MLLT3: variants seen among roughly 807,000 people sequenced by gnomAD.
MLLT3 encodes the protein protein AF-9.
MLLT3 carries 4 observed loss-of-function variants against 53.2 expected under a neutral mutation model. That is an observed-to-expected ratio of 0.08 (90% CI 0.04 to 0.17). The LOEUF is 0.17. Ranked by LOEUF, MLLT3 falls within the 10% of genes least tolerant of loss-of-function variation. MLLT3 has a pLI of 1.00. For missense variants in MLLT3, 569 were observed against 684.0 expected, an observed-to-expected ratio of 0.83 and a Z score of 1.87; for synonymous variants, 283 against 230.6, an observed-to-expected ratio of 1.23 and a Z score of -2.06.
At chr9:20,581,637 C>G (rs1819794922) in intron 2 of MLLT3, among the ~76,000 whole-genome samples, 1 of 152,130 alleles carries the variant, frequency 6.6e-6, no homozygotes, top group South Asian at 2.1e-4. Flanking sequence ...GGCAGCCAAT[C>G]AGAGACTGGA....
chr9:20,488,843 T>A (rs748995235), intron 2 of MLLT3, among the ~76,000 whole-genome samples: 1 of 152,132 alleles, frequency 6.6e-6, no homozygotes, highest in Non-Finnish European at 1.5e-5. Flanking sequence ...ACACTGCTGA[T>A]CCAGATTTAG....
chr9:20,562,276 G>C (rs1428806325), intron 2 of MLLT3, among the ~76,000 whole-genome samples: 1 of 151,880 alleles, frequency 6.6e-6, no homozygotes. Flanking sequence ...AATATACCAT[G>C]ACAGTAATTA....
intron 4 of MLLT3, among the ~76,000 whole-genome samples, chr9:20,415,670 T>C (rs937667447): frequency 1.3e-5 from 2 of 152,126 alleles, no homozygotes; most frequent in Admixed American, 1.3e-4. Context: ...AAACCAATCC[T>C]ATATTCCTTA....
intron 5 of MLLT3, among the ~76,000 whole-genome samples, chr9:20,410,071 T>C (rs1330652572): frequency 1.3e-5 from 2 of 152,204 alleles, no homozygotes; most frequent in Non-Finnish European, 2.9e-5. Context: ...CTTGTATTTT[T>C]ACATTGATCA....
chr9:20,399,744 A>G (rs1160236740), intron 5 of MLLT3, among the ~76,000 whole-genome samples: 7 of 152,260 alleles, frequency 4.6e-5, no homozygotes, highest in African/African-American at 1.7e-4. Flanking sequence ...AGACTGGAGA[A>G]GGCTTAAAAG....
intron 5 of MLLT3, among the ~76,000 whole-genome samples, chr9:20,409,348 C>G (rs1430704878): frequency 6.6e-6 from 1 of 152,086 alleles, no homozygotes; most frequent in Non-Finnish European, 1.5e-5. Flanking sequence ...ATACACTTCT[C>G]TTCAGGAGCA....
intron 2 of MLLT3, among the ~76,000 whole-genome samples, chr9:20,537,564 A>C (rs1261091879): frequency 1.3e-5 from 2 of 152,186 alleles, no homozygotes; most frequent in African/African-American, 4.8e-5. Flanking sequence ...GGGGTGAGGG[A>C]GTCCTGCCAA....
intron 2 of MLLT3, among the ~76,000 whole-genome samples, chr9:20,615,360 G>GAAAAAAAAAAAAAAAAAAAA (rs10601830): frequency 2.1e-5 from 1 of 48,774 alleles, no homozygotes; most frequent in African/African-American, 7.0e-5. Context: ...CAGACCATGT[G>GAAAAAAAAAAAAAAAAAAAA]AAAAAAAAAA....
Position 20,414,388 on chromosome 9 carries a change from C to T in MLLT3, c.458G>A (p.Ser153Asn), listed in dbSNP as rs1472118771. The stretch of plus-strand genomic sequence containing the variant: ...GCTGCTGCTGCTGCTACTGCTGCTG[C>T]TGCTGCTGCTGCTGGTATGAATACT... The part of the protein sequence containing the change: ...NRSIHTSSSS[S>N]SSSSSSSSSS... The change falls in exon 5 of 11, where the codon AGC becomes AAC. Residue 153 changes from serine (S) to asparagine (N), a missense_variant. By Grantham distance (46) the Ser-to-Asn change is conservative. This residue lies in a region of MLLT3 where 39 missense variants were observed against 68.8 expected (regional missense o/e 0.57). Transcript: ENST00000380338. The T allele has an allele frequency of 6.2e-7, 1 of 1,608,632 alleles. No individual in the cohort carries two copies.
intron 8 of MLLT3, among the ~76,000 whole-genome samples, chr9:20,360,393 T>C (rs1587152324): frequency 1.3e-5 from 2 of 152,210 alleles, no homozygotes; most frequent in African/African-American, 4.8e-5. Context: ...CCAAGCTCTA[T>C]ACTAGGCCCA....
At chr9:20,400,727 A>T (rs1383351442) in intron 5 of MLLT3, among the ~76,000 whole-genome samples, 1 of 151,626 alleles carries the variant, frequency 6.6e-6, no homozygotes, top group East Asian at 1.9e-4. Flanking sequence ...ATAATGAAGG[A>T]TTACAAAAAG....
intron 2 of MLLT3, among the ~76,000 whole-genome samples, chr9:20,503,255 G>A (rs928401069): frequency 3.9e-5 from 6 of 152,228 alleles, no homozygotes; most frequent in Non-Finnish European, 8.8e-5. Context: ...CAAGCAAAAA[G>A]AACAAAGCTA....
rs1820999814 is a variant in MLLT3, at chr9:20,621,290, C to T, written c.13-456G>A. On this transcript the variant is annotated intron_variant, in intron 1 of 10. Transcript: ENST00000380338. This position sits in a 1 kb window ranked among gnomAD's most constrained non-coding sequence, Gnocchi z 7.0. ...CGAAAGTACCGCGGCGACAGGCACA[C>T]GCCGAGGAAGTCTTTGTGTACGTGT... 6.6e-6 allele frequency among the ~76,000 whole-genome samples: 1 copy of T among 152,178 alleles called. No homozygotes were observed. Among genetic ancestry groups the T allele is most frequent in the Non-Finnish European group, 1.5e-5 (1 of 68,018 alleles).
chr9:20,621,833 C>A lies in MLLT3; in HGVS notation c.12+412G>T. On this transcript the variant is annotated intron_variant, in intron 1 of 10. Coordinates refer to ENST00000380338, the MANE Select transcript of MLLT3 (RefSeq NM_004529.4). This position sits in a 1 kb window ranked among gnomAD's most constrained non-coding sequence, Gnocchi z 7.0. Reference sequence around the variant, plus strand: ...CCGCCGAGGCTGCTCGCCGCGTCCCCGGACTGTGCCCGCAGCTCCCGGCGG... The same window carrying A: ...CCGCCGAGGCTGCTCGCCGCGTCCCAGGACTGTGCCCGCAGCTCCCGGCGG... 1 of 1,405,492 alleles carries A rather than the reference C, an allele frequency of 7.1e-7. No individual in the cohort carries two copies. The highest frequency in any genetic ancestry group is 9.2e-7 in the Non-Finnish European group (1 of 1,091,186). The allele number at this position is 1,405,492 out of a possible 1,614,324, so 87.1% of individuals were successfully genotyped here. A position where few individuals can be genotyped will look rare whatever the true frequency, so the allele number is the denominator to read the frequency against.
chr9:20,436,995 C>G (rs1247820997), intron 4 of MLLT3, among the ~76,000 whole-genome samples: 1 of 151,998 alleles, frequency 6.6e-6, no homozygotes, highest in East Asian at 1.9e-4. Context: ...AATGAGCAAA[C>G]AGACTGATAG....
intron 2 of MLLT3, among the ~76,000 whole-genome samples, chr9:20,608,630 A>T (rs954052561): frequency 6.6e-6 from 1 of 152,018 alleles, no homozygotes; most frequent in Non-Finnish European, 1.5e-5. Context: ...ACATTAAAGG[A>T]AAAGACTCAA....
At chr9:20,432,375 A>G (rs1334411574) in intron 4 of MLLT3, among the ~76,000 whole-genome samples, 2 of 151,952 alleles carry the variant, frequency 1.3e-5, no homozygotes, top group African/African-American at 4.9e-5. Context: ...AGTTACTAAT[A>G]TATTCTTACC....
At chr9:20,418,018 G>A (rs944507672) in intron 4 of MLLT3, among the ~76,000 whole-genome samples, 1 of 152,138 alleles carries the variant, frequency 6.6e-6, no homozygotes, top group Non-Finnish European at 1.5e-5. Flanking sequence ...TCTGTCTTGT[G>A]AAAGATTTTC....
intron 2 of MLLT3, among the ~76,000 whole-genome samples, chr9:20,607,509 C>G (rs961192222): frequency 2.0e-5 from 3 of 152,000 alleles, no homozygotes; most frequent in Non-Finnish European, 4.4e-5. Flanking sequence ...TAATCTTATT[C>G]CAAATGCTGG....
Sources: gnomAD v4.1 joint callset for allele counts (sites outside exome capture counted in the v4.1 genomes callset) on GRCh38, gnomAD v4.1.1 for gene constraint, gnomAD v4.1.1 regional missense constraint, Gnocchi (gnomAD v3.1) non-coding constraint, MANE v1.5 for transcripts, NCBI Gene and HGNC (gene_info 2026-07-23, HGNC 2026-07-21) for gene names.